The following SLC22A3 variants were observed in gnomAD, a reference collection of about 807,000 sequenced individuals.
SLC22A3 encodes EMT organic cation transporter 3.
A neutral mutation model predicts 59.1 loss-of-function variants in SLC22A3; 51 were observed. That is an observed-to-expected ratio of 0.86 (90% CI 0.69 to 1.09). The LOEUF is 1.09. Ranked by LOEUF, SLC22A3 falls within the 50% of genes least tolerant of loss-of-function variation. SLC22A3 has a pLI of 0.00. For synonymous variants in SLC22A3, 325 were observed against 292.0 expected, an observed-to-expected ratio of 1.11 and a Z score of -1.15; for missense variants, 711 against 726.3, an observed-to-expected ratio of 0.98 and a Z score of 0.24.
At position 160,415,223 on chromosome 6, in the gene SLC22A3, C is replaced by T. The variant is rs535322052; in HGVS notation, c.975+4377C>T. ...AGCGGAATTCAGCCACATTATGGGCCACGTCATAGTTTTCCATCTCAAAGG... is the reference window on the plus strand; with the variant it reads ...AGCGGAATTCAGCCACATTATGGGCTACGTCATAGTTTTCCATCTCAAAGG... On this transcript the variant is annotated intron_variant, in intron 5 of 10. Transcript: ENST00000275300. The surrounding 1 kb of genome is among the most constrained non-coding windows in gnomAD (Gnocchi z 4.1). Among the ~76,000 whole-genome samples, 7 of 152,198 alleles carry T rather than the reference C, an allele frequency of 4.6e-5. No individual in the cohort carries two copies. Among genetic ancestry groups the T allele is most frequent in the African/African-American group, 7.2e-5 (3 of 41,532 alleles).
At chr6:160,411,737 G>C (rs1410418359) in intron 5 of SLC22A3, among the ~76,000 whole-genome samples, 2 of 152,068 alleles carry the variant, frequency 1.3e-5, no homozygotes, top group Non-Finnish European at 2.9e-5. Flanking sequence ...TCAAGATGCT[G>C]TCTCTAAAAA....
At position 160,443,673 on chromosome 6, in the gene SLC22A3, G is replaced by T. The variant is rs1788633267; in HGVS notation, c.1441G>T (p.Gly481Ter). ...CTGTTCAGGTCTGTGTGATTTTGGG[G>T]GAATCATAGCCCCATTTCTGCTCTT... ...SLCSGLCDFG[G>*]IIAPFLLFRL... is the part of the protein sequence containing the mutation. Residue 481 changes from glycine (G) to a stop codon, truncating the protein, a stop_gained, in exon 9 of 11, where the codon GGA becomes TGA. Transcript: ENST00000275300. LOFTEE classifies it high-confidence loss of function. The T allele has an allele frequency of 6.2e-7, 1 of 1,613,902 alleles. No individual in the cohort carries two copies.
chr6:160,446,874 G>A (rs1211142811), intron 9 of SLC22A3, among the ~76,000 whole-genome samples: 1 of 152,226 alleles, frequency 6.6e-6, no homozygotes, highest in Non-Finnish European at 1.5e-5. Flanking sequence ...TATGGTGGAA[G>A]CCCCATTGAT....
At chr6:160,444,429 A>G (rs1788670110) in intron 9 of SLC22A3, among the ~76,000 whole-genome samples, 1 of 152,146 alleles carries the variant, frequency 6.6e-6, no homozygotes, top group Non-Finnish European at 1.5e-5. Context: ...CTCTCTATGG[A>G]TATCATATCT....
At chr6:160,353,391 G>A (rs1784725007) in intron 1 of SLC22A3, among the ~76,000 whole-genome samples, 1 of 152,314 alleles carries the variant, frequency 6.6e-6, no homozygotes, top group African/African-American at 2.4e-5. Context: ...GGGCTAGGCT[G>A]GGGATACAAA....
At chr6:160,351,867 G>A (rs924381132) in intron 1 of SLC22A3, among the ~76,000 whole-genome samples, 1 of 152,152 alleles carries the variant, frequency 6.6e-6, no homozygotes, top group Non-Finnish European at 1.5e-5. Context: ...TAGCCAAACT[G>A]GATTCAAATC....
At chr6:160,375,668 C>G (rs1324606335) in intron 1 of SLC22A3, among the ~76,000 whole-genome samples, 1 of 152,218 alleles carries the variant, frequency 6.6e-6, no homozygotes, top group African/African-American at 2.4e-5. Context: ...ATTGAAAGAA[C>G]AGTGACAAGT....
chr6:160,411,993 G>T (rs1366843699), intron 5 of SLC22A3, among the ~76,000 whole-genome samples: 2 of 152,272 alleles, frequency 1.3e-5, no homozygotes, highest in East Asian at 1.9e-4. Context: ...TTAAGACTAG[G>T]TTGTCAACAT....
At chr6:160,403,628 A>G (rs1226392845) in intron 2 of SLC22A3, among the ~76,000 whole-genome samples, 2 of 151,894 alleles carry the variant, frequency 1.3e-5, no homozygotes, top group African/African-American at 4.8e-5. Flanking sequence ...CATGAACATA[A>G]GTGCAAAAAT....
chr6:160,419,159 TCTTA>T (rs534981578), intron 5 of SLC22A3, among the ~76,000 whole-genome samples: 234 of 152,262 alleles, frequency 1.5e-3, no homozygotes, highest in Non-Finnish European at 2.9e-3. Context: ...TTAGAAAGTG[TCTTA>T]CTGATTTTTT....
chr6:160,367,730 T>G (rs113352802), intron 1 of SLC22A3, among the ~76,000 whole-genome samples: 2,602 of 152,294 alleles, frequency 0.017, 80 homozygotes, highest in East Asian at 0.069. Context: ...GGTCAGGGCA[T>G]CCAGGCACAT....
intron 10 of SLC22A3, 25 bp downstream of exon 10, chr6:160,447,843 C>T: frequency 1.3e-6 from 2 of 1,536,160 alleles, no homozygotes; most frequent in Middle Eastern, 1.7e-4. Flanking sequence ...TCAATGCACC[C>T]TAAATAAAAG....
At chr6:160,444,435 T>A (rs1024974941) in intron 9 of SLC22A3, among the ~76,000 whole-genome samples, 7 of 152,202 alleles carry the variant, frequency 4.6e-5, no homozygotes, top group Admixed American at 3.9e-4. Flanking sequence ...ATGGATATCA[T>A]ATCTTCATTG....
At chr6:160,396,656 GA>G (rs1347486915) in intron 1 of SLC22A3, among the ~76,000 whole-genome samples, 1 of 152,030 alleles carries the variant, frequency 6.6e-6, no homozygotes, top group Non-Finnish European at 1.5e-5. Flanking sequence ...GACCTAACTA[GA>G]AAAACTTAGA....
intron 1 of SLC22A3, among the ~76,000 whole-genome samples, chr6:160,376,470 C>T (rs917513587): frequency 3.7e-4 from 57 of 152,104 alleles, no homozygotes; most frequent in African/African-American, 1.1e-3. Flanking sequence ...CCATGGCACA[C>T]GTATACCTAT....
intron 5 of SLC22A3, among the ~76,000 whole-genome samples, chr6:160,427,892 T>C (rs1788020312): frequency 6.6e-6 from 1 of 152,186 alleles, no homozygotes; most frequent in Non-Finnish European, 1.5e-5. Flanking sequence ...TTTAGAACCT[T>C]TCTATTTCCG....
chr6:160,370,105 G>C (rs1210502996), intron 1 of SLC22A3, among the ~76,000 whole-genome samples: 1 of 152,192 alleles, frequency 6.6e-6, no homozygotes, highest in African/African-American at 2.4e-5. Context: ...AGCCCCACAG[G>C]TGTGTTCTAT....
intron 1 of SLC22A3, among the ~76,000 whole-genome samples, chr6:160,358,321 G>A (rs1256256525): frequency 1.3e-5 from 2 of 152,186 alleles, no homozygotes; most frequent in Admixed American, 6.5e-5. Flanking sequence ...TGCTTGTCCT[G>A]TTGTCTGAGA....
In SLC22A3 at chr6:160,348,831, T is replaced by C. The variant is rs1325547957; in HGVS notation, c.412T>C (p.Ser138Pro). ...RGGWRYAQAH[S>P]TIVSEFDLVC... Reference sequence around the variant, plus strand: ...CGGCTGGCGCTACGCCCAGGCCCACTCCACCATCGTCAGCGAGGTAAGGGC... The same window carrying C: ...CGGCTGGCGCTACGCCCAGGCCCACCCCACCATCGTCAGCGAGGTAAGGGC... The change falls in exon 1 of 11, where the codon TCC becomes CCC. Residue 138 changes from serine (S) to proline (P), a missense_variant. Coordinates refer to ENST00000275300, the MANE Select transcript of SLC22A3 (RefSeq NM_021977.4). 1 of 1,583,926 alleles carries C rather than the reference T, an allele frequency of 6.3e-7. No homozygotes were observed. Among genetic ancestry groups the C allele is most frequent in the East Asian group, 2.3e-5 (1 of 44,046 alleles).
Sources: gnomAD v4.1 joint callset for allele counts (sites outside exome capture counted in the v4.1 genomes callset) on GRCh38, gnomAD v4.1.1 for gene constraint, Gnocchi (gnomAD v3.1) non-coding constraint, MANE v1.5 for transcripts, NCBI Gene and HGNC (gene_info 2026-07-23, HGNC 2026-07-21) for gene names.